The following DCC variants were observed in gnomAD, a reference collection of about 807,000 sequenced individuals.
DCC encodes the protein netrin receptor DCC.
In DCC, 58 loss-of-function variants were observed where a neutral mutation model predicts 172.5. The observed-to-expected ratio is 0.34, with a 90% CI of 0.27 to 0.42. DCC has a LOEUF of 0.42. Among genes scored for constraint, DCC ranks in the 10% least tolerant of loss-of-function variants. The pLI is 1.00. For missense variants in DCC, 1,740 were observed against 1,791.0 expected (o/e 0.97, Z 0.51); for synonymous variants, 709 against 644.5 (o/e 1.10, Z -1.52).
At chr18:52,423,841 G>C (rs1317776621) in intron 1 of DCC, among the ~76,000 whole-genome samples, 2 of 152,106 alleles carry the variant, frequency 1.3e-5, no homozygotes, top group African/African-American at 4.8e-5. Context: ...ATCTTTAAAA[G>C]TAAGATAACT....
chr18:52,675,687 T>A (rs909033142), intron 1 of DCC, among the ~76,000 whole-genome samples: 5 of 152,212 alleles, frequency 3.3e-5, no homozygotes, highest in Non-Finnish European at 7.3e-5. Flanking sequence ...GTTTTTGTAC[T>A]GTGTTTACTA....
At chr18:53,504,395 G>C (rs1291259047) in intron 27 of DCC, among the ~76,000 whole-genome samples, 1 of 152,132 alleles carries the variant, frequency 6.6e-6, no homozygotes, top group African/African-American at 2.4e-5. Context: ...TAAATCATTG[G>C]CACAGCTAAA....
intron 1 of DCC, among the ~76,000 whole-genome samples, chr18:52,750,022 G>A (rs2036970601): frequency 6.6e-6 from 1 of 152,146 alleles, no homozygotes; most frequent in Non-Finnish European, 1.5e-5. Flanking sequence ...GCTAGCTTGT[G>A]TTTCTTTTCT....
At chr18:52,941,502 G>GTGTGTATA (rs151312837) in intron 5 of DCC, among the ~76,000 whole-genome samples, 4 of 148,870 alleles carry the variant, frequency 2.7e-5, no homozygotes, top group Non-Finnish European at 4.5e-5. Flanking sequence ...GTGTGTGTGT[G>GTGTGTATA]TATATATATA....
intron 12 of DCC, among the ~76,000 whole-genome samples, chr18:53,256,256 G>T (rs2056512058): frequency 6.6e-6 from 1 of 152,154 alleles, no homozygotes; most frequent in South Asian, 2.1e-4. Context: ...TGTTGCCATT[G>T]CTTTTGGTGT....
At chr18:53,012,487 A>C (rs977542549) in intron 5 of DCC, among the ~76,000 whole-genome samples, 1 of 152,068 alleles carries the variant, frequency 6.6e-6, no homozygotes, top group African/African-American at 2.4e-5. Context: ...TTATGATAGA[A>C]CTCAGAATAG....
At chr18:53,401,460 T>A (rs145646629) in intron 18 of DCC, among the ~76,000 whole-genome samples, 2 of 152,304 alleles carry the variant, frequency 1.3e-5, no homozygotes, top group Admixed American at 6.5e-5. Context: ...GTATGATAGA[T>A]GGGAATGATT....
intron 1 of DCC, among the ~76,000 whole-genome samples, chr18:52,418,684 G>A (rs976512499): frequency 3.3e-5 from 5 of 152,058 alleles, no homozygotes; most frequent in African/African-American, 1.2e-4. Flanking sequence ...CTCTCCCCCA[G>A]ATTCTCCCCT....
At chr18:52,412,384 T>C (rs966816143) in intron 1 of DCC, among the ~76,000 whole-genome samples, 2 of 152,092 alleles carry the variant, frequency 1.3e-5, no homozygotes, top group African/African-American at 4.8e-5. Context: ...TTTAATATTA[T>C]GGAAGGAAGA....
intron 1 of DCC, among the ~76,000 whole-genome samples, chr18:52,398,382 C>T (rs1986311513): frequency 6.6e-6 from 1 of 151,812 alleles, no homozygotes; most frequent in Admixed American, 6.6e-5. Flanking sequence ...GGGTTTTTTC[C>T]CAACATGAAC....
At chr18:53,479,225 C>T (rs2045803382) in intron 25 of DCC, among the ~76,000 whole-genome samples, 1 of 152,160 alleles carries the variant, frequency 6.6e-6, no homozygotes, top group African/African-American at 2.4e-5. Flanking sequence ...ATTTTAAATA[C>T]TAATCTGATC....
intron 1 of DCC, among the ~76,000 whole-genome samples, chr18:52,737,324 G>A (rs1412335347): frequency 6.6e-6 from 1 of 152,032 alleles, no homozygotes; most frequent in African/African-American, 2.4e-5. Context: ...AGCTCTGCAG[G>A]ACTTCCAGTT....
chr18:53,280,162 T>A (rs2056854794), intron 12 of DCC, among the ~76,000 whole-genome samples: 1 of 152,184 alleles, frequency 6.6e-6, no homozygotes, highest in African/African-American at 2.4e-5. Flanking sequence ...CTGCCTGTGC[T>A]TGTTAAATGA....
intron 22 of DCC, among the ~76,000 whole-genome samples, chr18:53,450,110 A>G (rs2045388725): frequency 7.6e-6 from 1 of 132,328 alleles, no homozygotes; most frequent in Non-Finnish European, 1.6e-5. Flanking sequence ...GTAATATTCC[A>G]TCATAGGGGG....
chr18:52,465,943 G>A (rs547639119), intron 1 of DCC, among the ~76,000 whole-genome samples: 66 of 152,158 alleles, frequency 4.3e-4, no homozygotes, highest in African/African-American at 1.5e-3. Context: ...ATTATACATC[G>A]TGCTCATTTT....
intron 15 of DCC, among the ~76,000 whole-genome samples, chr18:53,361,208 G>T (rs1016658457): frequency 6.6e-6 from 1 of 152,074 alleles, no homozygotes; most frequent in African/African-American, 2.4e-5. Context: ...AGGCCTTCAG[G>T]GACCGTGCGG....
At chr18:52,895,786 GT>G (rs972112727) in intron 2 of DCC, among the ~76,000 whole-genome samples, 1 of 151,898 alleles carries the variant, frequency 6.6e-6, no homozygotes, top group Non-Finnish European at 1.5e-5. Flanking sequence ...AGTTAAATTG[GT>G]TTTTTTGTTT....
chr18:52,502,966 C>T (rs1390377187), intron 1 of DCC, among the ~76,000 whole-genome samples: 1 of 152,154 alleles, frequency 6.6e-6, no homozygotes, highest in African/African-American at 2.4e-5. Context: ...TCATATTATA[C>T]ATTTGCCATT....
chr18:52,646,133 C>A (rs1478303075), intron 1 of DCC, among the ~76,000 whole-genome samples: 1 of 152,184 alleles, frequency 6.6e-6, no homozygotes, highest in Admixed American at 6.5e-5. Flanking sequence ...AGTTGCTGAT[C>A]TCTCTGAGTC....
Sources: gnomAD v4.1 joint callset for allele counts (sites outside exome capture counted in the v4.1 genomes callset) on GRCh38, gnomAD v4.1.1 for gene constraint, MANE v1.5 for transcripts, NCBI Gene and HGNC (gene_info 2026-07-23, HGNC 2026-07-21) for gene names.